The following DOCK9 variants were observed in gnomAD, a reference collection of about 807,000 sequenced individuals.
DOCK9 encodes dedicator of cytokinesis protein 9.
DOCK9 carries 89 observed loss-of-function variants against 263.3 expected under a neutral mutation model. The ratio of observed to expected loss-of-function variants is 0.34; its 90% CI spans 0.28 to 0.40. The LOEUF is 0.40. DOCK9 is among the 10% of genes least tolerant of loss of function. The pLI is 1.00. For synonymous variants in DOCK9, 976 were observed against 973.1 expected, an observed-to-expected ratio of 1.00 and a Z score of -0.06; for missense variants, 2,140 against 2,603.4, an observed-to-expected ratio of 0.82 and a Z score of 3.87.
At chr13:98,981,280 C>T (rs981004137), upstream of DOCK9, among the ~76,000 whole-genome samples, 3 of 152,148 alleles carry the variant, frequency 2.0e-5, no homozygotes, top group African/African-American at 7.2e-5. Flanking sequence ...TGGTCTCAAA[C>T]TCCTGGGCTC....
At chr13:98,905,882 C>T (rs182467727) in intron 9 of DOCK9, among the ~76,000 whole-genome samples, 229 of 152,110 alleles carry the variant, frequency 1.5e-3, no homozygotes, top group Middle Eastern at 0.01. Context: ...AAGCATCACT[C>T]GGGCAGGGCT....
intron 1 of DOCK9, among the ~76,000 whole-genome samples, chr13:99,028,006 C>G (rs1886952723): frequency 6.6e-6 from 1 of 152,224 alleles, no homozygotes; most frequent in African/African-American, 2.4e-5. Context: ...ACTCACCTGT[C>G]TCCCCAAAGT....
At chr13:98,984,619 T>C (rs1878015711) in intron 1 of DOCK9, among the ~76,000 whole-genome samples, 1 of 152,230 alleles carries the variant, frequency 6.6e-6, no homozygotes, top group Non-Finnish European at 1.5e-5. Context: ...GCAAGTTTTC[T>C]GCAAAAGCTT....
intron 15 of DOCK9, among the ~76,000 whole-genome samples, chr13:98,894,955 TACAAAAAAAAAA>T (rs1566887826): frequency 2.8e-4 from 1 of 3,586 alleles, no homozygotes; most frequent in African/African-American, 5.7e-4. Flanking sequence ...TCTACTAAAA[TACAAAAAAAAAA>T]AAAAAAAAAA....
In DOCK9 at chr13:98,802,353, T is replaced by C. The variant is rs534779437; in HGVS notation, c.5726-1875A>G. Among the ~76,000 whole-genome samples the C allele has an allele frequency of 2.3e-3, 350 of 152,298 alleles. 3 individuals carry two copies. Among genetic ancestry groups the C allele is most frequent in the African/African-American group, 8.2e-3 (340 of 41,554 alleles). On this transcript the variant is annotated intron_variant, in intron 49 of 52. Transcript: ENST00000682017. ...ACATTTTGTTGAATGAATGAATGCA[T>C]TACTGCCCAAATGGCTGCATGAGAG...
chr13:99,004,784 GACACACACACACACACAC>G (rs10533387), intron 1 of DOCK9, among the ~76,000 whole-genome samples: 4 of 148,040 alleles, frequency 2.7e-5, no homozygotes, highest in African/African-American at 7.5e-5. Flanking sequence ...AAAAACTATA[GACACACACACACACACAC>G]ACACACACAC....
At chr13:98,999,316 A>ACACACACACACACACACTCTCT in intron 1 of DOCK9, among the ~76,000 whole-genome samples, 4,242 of 138,064 alleles carry the variant, frequency 0.031, 94 homozygotes, top group Non-Finnish European at 0.042. Flanking sequence ...ACACACACAC[A>ACACACACACACACACACTCTCT]CTCTCTCTCT....
chr13:98,886,659 T>C, intron 18 of DOCK9, 35 bp from the exon 19 acceptor site: 2 of 1,577,804 alleles, frequency 1.3e-6, no homozygotes, highest in Non-Finnish European at 8.7e-7. Flanking sequence ...AACATCACGG[T>C]TCGATTAAGT....
At chr13:98,864,768 G>C (rs185688073) in intron 30 of DOCK9, among the ~76,000 whole-genome samples, 1 of 152,262 alleles carries the variant, frequency 6.6e-6, no homozygotes, top group Admixed American at 6.5e-5. Context: ...TGTTGGAGGT[G>C]GGGCCTGGTG....
chr13:98,918,633 G>T (rs1229070767), intron 7 of DOCK9, among the ~76,000 whole-genome samples: 1 of 152,098 alleles, frequency 6.6e-6, no homozygotes, highest in African/African-American at 2.4e-5. Context: ...GAAATTCCAA[G>T]GTAAAATGAT....
At chr13:98,959,689 G>A (rs2058427175) in intron 1 of DOCK9, among the ~76,000 whole-genome samples, 1 of 152,192 alleles carries the variant, frequency 6.6e-6, no homozygotes, top group Non-Finnish European at 1.5e-5. Flanking sequence ...AGGGAAAAGG[G>A]AGCAGAAGGA....
At chr13:99,071,642 G>C (rs956379399) in intron 1 of DOCK9, among the ~76,000 whole-genome samples, 4 of 151,900 alleles carry the variant, frequency 2.6e-5, no homozygotes, top group Non-Finnish European at 4.4e-5. Flanking sequence ...GGAGGGTGTG[G>C]GACAGGAGGC....
intron 1 of DOCK9, among the ~76,000 whole-genome samples, chr13:98,996,334 C>A (rs761788250): frequency 3.9e-5 from 6 of 152,214 alleles, no homozygotes; most frequent in Admixed American, 1.3e-4. Flanking sequence ...ACAGCGGTCA[C>A]ACATCTTTTT....
chr13:98,807,684 T>C lies in DOCK9; in HGVS notation c.5491A>G (p.Lys1831Glu). 6.2e-7 allele frequency: 1 copy of C among 1,611,318 alleles called. No homozygotes were observed. The highest frequency in any genetic ancestry group is 8.5e-7 in the Non-Finnish European group (1 of 1,178,082). The change falls in exon 48 of 53, where the codon AAA (lysine) becomes GAA (glutamate). Residue 1831 changes from lysine (K) to glutamate (E), a missense_variant. Physicochemically the swap from Lys to Glu is moderately conservative, Grantham distance 56. Coordinates refer to ENST00000682017, the MANE Select transcript of DOCK9 (RefSeq NM_001366683.2). ...ACCTTGCCAGAATCCTGTATCATTTTGACATTTTCAGAACCAAATTTATCC... is the reference window on the plus strand; with the variant it reads ...ACCTTGCCAGAATCCTGTATCATTTCGACATTTTCAGAACCAAATTTATCC... ...YSDKFGSENV[K>E]MIQDSGKVNP...
intron 1 of DOCK9, among the ~76,000 whole-genome samples, chr13:99,029,244 G>C (rs1472339089): frequency 6.6e-6 from 1 of 152,112 alleles, no homozygotes; most frequent in East Asian, 1.9e-4. Flanking sequence ...TCACAGGTCT[G>C]GGTTTCAGCT....
intron 1 of DOCK9, among the ~76,000 whole-genome samples, chr13:98,963,905 G>A (rs751399827): frequency 1.3e-5 from 2 of 152,198 alleles, no homozygotes; most frequent in Non-Finnish European, 2.9e-5. Flanking sequence ...CGTGACTCTC[G>A]CTACGTAGCC....
At chr13:98,827,101 G>A (rs538863108) in intron 43 of DOCK9, among the ~76,000 whole-genome samples, 1 of 152,336 alleles carries the variant, frequency 6.6e-6, no homozygotes, top group East Asian at 1.9e-4. Flanking sequence ...GAGATAAATG[G>A]CAGTAAATTT....
Position 98,885,137 on chromosome 13 carries a change from G to T in DOCK9, c.2261-45C>A. On this transcript the variant is annotated intron_variant, in intron 20 of 52. Transcript: ENST00000682017. The stretch of plus-strand genomic sequence containing the variant: ...ACAACAACAACAGAACACTGTGAGT[G>T]TATGAAAACTTATGAAAGCAAGCCA... The T allele has an allele frequency of 1.9e-6, 3 of 1,596,812 alleles. No individual in the cohort carries two copies. The South Asian group carries it at 3.4e-5, about 18-fold the overall frequency.
At chr13:98,842,804 A>C (rs148471244) in intron 38 of DOCK9, among the ~76,000 whole-genome samples, 2,947 of 152,332 alleles carry the variant, frequency 0.019, 36 homozygotes, top group Middle Eastern at 0.037. Context: ...AAGTGTTCTA[A>C]AGTTTATTTT....
Sources: allele counts gnomAD v4.1 joint callset (sites outside exome capture counted in the v4.1 genomes callset), GRCh38; gene constraint gnomAD v4.1.1; transcripts MANE v1.5; gene names NCBI Gene and HGNC (gene_info 2026-07-23, HGNC 2026-07-21).